The following LCORL variants were observed in gnomAD, a reference collection of about 807,000 sequenced individuals.
The protein encoded by LCORL is ligand-dependent nuclear receptor corepressor-like protein.
A neutral mutation model predicts 141.8 loss-of-function variants in LCORL; 41 were observed. The ratio of observed to expected loss-of-function variants is 0.29; its 90% confidence interval spans 0.23 to 0.38. LCORL has a LOEUF of 0.38. LCORL is among the 10% of genes least tolerant of loss of function. The pLI is 1.00. For synonymous variants in LCORL, 618 were observed against 694.1 expected (o/e 0.89, Z 1.72); for missense variants, 1,759 against 2,035.0 (o/e 0.86, Z 2.61).
At chr4:17,891,954 T>TA (rs1357418782) in intron 5 of LCORL, among the ~76,000 whole-genome samples, 3 of 152,070 alleles carry the variant, frequency 2.0e-5, no homozygotes, top group African/African-American at 4.8e-5. Flanking sequence ...GTTTCCATAA[T>TA]AAAAAAAATC....
At chr4:17,980,907 G>C (rs190782543) in intron 1 of LCORL, among the ~76,000 whole-genome samples, 5 of 152,262 alleles carry the variant, frequency 3.3e-5, no homozygotes, top group South Asian at 2.1e-4. Context: ...CTAACGATCT[G>C]AGGGGGAACA....
chr4:17,964,929 C>T (rs1262030637), intron 2 of LCORL, among the ~76,000 whole-genome samples: 1 of 149,712 alleles, frequency 6.7e-6, no homozygotes, highest in Non-Finnish European at 1.5e-5. Flanking sequence ...AGCTTGTAGG[C>T]TTCGGGAAGG....
At chr4:17,976,089 T>A (rs1248017428) in intron 1 of LCORL, among the ~76,000 whole-genome samples, 1 of 152,178 alleles carries the variant, frequency 6.6e-6, no homozygotes, top group African/African-American at 2.4e-5. Flanking sequence ...CCAACTTTCT[T>A]ATGATAAGCA....
chr4:17,911,842 G>A (rs913757274), intron 4 of LCORL: 41 of 456,436 alleles, frequency 9.0e-5, no homozygotes, highest in Admixed American at 3.3e-4. Context: ...CTTCCAGGGC[G>A]GCTTGAGGTC....
chr4:17,963,682 C>T (rs1033863178), intron 2 of LCORL, among the ~76,000 whole-genome samples: 6 of 151,402 alleles, frequency 4.0e-5, no homozygotes, highest in Admixed American at 1.3e-4. Flanking sequence ...ATCCAACTGT[C>T]GTAATATATT....
rs77421717 is a variant in LCORL, at chr4:17,879,718, A to T, written c.777-1505T>A. On this transcript the variant is annotated intron_variant, in intron 6 of 7. Coordinates refer to ENST00000635767, the Ensembl canonical transcript of LCORL. Reference sequence around the variant, plus strand: ...TATATTTTTTTCCAGCAAATTAAAAATGACTAATTTTCACACAAGCAAAAG... The same window carrying T: ...TATATTTTTTTCCAGCAAATTAAAATTGACTAATTTTCACACAAGCAAAAG... Among the ~76,000 whole-genome samples the T allele has an allele frequency of 8.1e-3, 1,230 of 151,144 alleles. 12 individuals carry two copies. Among genetic ancestry groups the T allele is most frequent in the African/African-American group, 0.028 (1,164 of 41,450 alleles).
At chr4:17,866,348 G>A (rs867146150) in intron 7 of LCORL, among the ~76,000 whole-genome samples, 2 of 152,158 alleles carry the variant, frequency 1.3e-5, no homozygotes, top group East Asian at 3.8e-4. Context: ...GAATGTAACA[G>A]ATTTGTGTAT....
At position 17,876,590 on chromosome 4, in the gene LCORL, T is replaced by A. The variant is rs538926437; in HGVS notation, c.2400A>T (p.Lys800Asn). 1.4e-5 allele frequency: 17 copies of A among 1,230,680 alleles called. No individual in the cohort carries two copies. The South Asian group carries it at 5.8e-4, about 42-fold the overall frequency. 76.2% of individuals were successfully genotyped at this position (1,230,680 alleles called of 1,614,324 possible). A position where few individuals can be genotyped will look rare whatever the true frequency, so the allele number is the denominator to read the frequency against. Reference sequence around the variant, plus strand: ...CGTTTTTTGTTGTGGATTCGGATACTTTTTTGGCTTTAGGGGATTTTTTAA... The same window carrying A: ...CGTTTTTTGTTGTGGATTCGGATACATTTTTGGCTTTAGGGGATTTTTTAA... The change falls in exon 7 of 8, where the codon AAA becomes AAT. Residue 800 changes from lysine (K) to asparagine (N), a missense_variant. Coordinates refer to ENST00000635767, the Ensembl canonical transcript of LCORL.
intron 4 of LCORL, among the ~76,000 whole-genome samples, chr4:17,940,040 T>C (rs1426018982): frequency 6.7e-6 from 1 of 149,212 alleles, no homozygotes; most frequent in Non-Finnish European, 1.5e-5. Flanking sequence ...CATATGCATA[T>C]ATATACACAC....
chr4:17,956,024 C>A (rs1167099944), intron 4 of LCORL, among the ~76,000 whole-genome samples: 1 of 152,052 alleles, frequency 6.6e-6, no homozygotes, highest in Non-Finnish European at 1.5e-5. Context: ...CAAAAGAAAG[C>A]ACACCAATGG....
intron 4 of LCORL, among the ~76,000 whole-genome samples, chr4:17,924,803 T>A (rs1173083597): frequency 6.6e-6 from 1 of 152,186 alleles, no homozygotes; most frequent in Non-Finnish European, 1.5e-5. Context: ...ATTGATAGAA[T>A]GGTAGAATGG....
In LCORL at chr4:17,884,406, A is replaced by G. The variant is rs1560288206; in HGVS notation, c.776+1662T>C. Reference sequence around the variant, plus strand: ...TGGAGGTAAGTGGAAGCTGTTGGGAATTTTATTTCTGAGGTTTCAAGTAGA... The same window carrying G: ...TGGAGGTAAGTGGAAGCTGTTGGGAGTTTTATTTCTGAGGTTTCAAGTAGA... On this transcript the variant is annotated intron_variant, in intron 6 of 7. Transcript: ENST00000635767. The surrounding 1 kb of genome is among the most constrained non-coding windows in gnomAD (Gnocchi z 4.4). The G allele has an allele frequency of 6.5e-7, 1 of 1,549,392 alleles. No homozygotes were observed. Among genetic ancestry groups the G allele is most frequent in the Non-Finnish European group, 8.7e-7 (1 of 1,146,052 alleles).
At chr4:17,912,507 G>A in intron 4 of LCORL, 1 of 494,716 alleles carries the variant, frequency 2.0e-6, no homozygotes, top group Non-Finnish European at 3.9e-6. Context: ...ACAGGTTACT[G>A]GTCTCAGCAG....
At position 18,021,466 on chromosome 4, in the gene LCORL, C is replaced by CCGCTCCCATCT. The variant is rs1268690270; in HGVS notation, c.154+121_154+131dup. 3 of 726,344 alleles carry CCGCTCCCATCT rather than the reference C, an allele frequency of 4.1e-6. No homozygotes were observed. Among genetic ancestry groups the CCGCTCCCATCT allele is most frequent in the Non-Finnish European group, 6.2e-6 (3 of 485,674 alleles). 45.0% of individuals were successfully genotyped at this position (726,344 alleles called of 1,614,324 possible). A position where few individuals can be genotyped will look rare whatever the true frequency, so the allele number is the denominator to read the frequency against. ...CGAGCGCCGGGGCCGCCGCGCCGCG[C>CCGCTCCCATCT]CGCTCCCATCTCGCTCCCCCACCGA... is the stretch of plus-strand genomic sequence containing the variant. On this transcript the variant is annotated intron_variant, in intron 1 of 7. Coordinates refer to ENST00000635767, the Ensembl canonical transcript of LCORL. This position sits in a 1 kb window ranked among gnomAD's most constrained non-coding sequence, Gnocchi z 5.5.
intron 1 of LCORL, among the ~76,000 whole-genome samples, chr4:17,977,155 C>T (rs770895228): frequency 3.9e-4 from 59 of 152,046 alleles, no homozygotes; most frequent in Non-Finnish European, 6.8e-4. Context: ...CTGGTTATCA[C>T]CAGTTTATTT....
chr4:17,959,759 T>C (rs1026090019), intron 4 of LCORL, among the ~76,000 whole-genome samples: 4 of 152,040 alleles, frequency 2.6e-5, no homozygotes, highest in Non-Finnish European at 5.9e-5. Context: ...GGAATACTAA[T>C]GCCATCCATA....
chr4:17,967,967 C>T (rs1391553718), intron 2 of LCORL, among the ~76,000 whole-genome samples: 1 of 151,864 alleles, frequency 6.6e-6, no homozygotes, highest in African/African-American at 2.4e-5. Flanking sequence ...AAGCGATTCT[C>T]CTGCCTCAGC....
intron 1 of LCORL, among the ~76,000 whole-genome samples, chr4:17,979,808 T>C (rs1264836038): frequency 1.3e-5 from 2 of 152,158 alleles, no homozygotes; most frequent in Admixed American, 1.3e-4. Flanking sequence ...AGGCTGCAGA[T>C]GGAATTAAGG....
intron 7 of LCORL, among the ~76,000 whole-genome samples, chr4:17,851,362 G>A (rs1343780733): frequency 6.6e-6 from 1 of 152,054 alleles, no homozygotes; most frequent in African/African-American, 2.4e-5. Context: ...GGCAACTATT[G>A]TTACCATTTT....
Sources: gnomAD v4.1 joint callset for allele counts (sites outside exome capture counted in the v4.1 genomes callset) on GRCh38, gnomAD v4.1.1 for gene constraint, Gnocchi (gnomAD v3.1) non-coding constraint, MANE v1.5 for transcripts, NCBI Gene and HGNC (gene_info 2026-07-23, HGNC 2026-07-21) for gene names.